WWOX: variants seen among roughly 807,000 people sequenced by gnomAD.
The protein encoded by WWOX is WW domain-containing oxidoreductase.
WWOX carries 69 observed loss-of-function variants against 46.2 expected under a neutral mutation model. The observed-to-expected ratio is 1.49, with a 90% confidence interval of 1.23 to 1.82. The LOEUF (loss-of-function observed/expected upper bound fraction) is 1.82, where lower values mean the gene tolerates loss of function less well. WWOX is among the 40% of genes most tolerant of loss of function. The pLI is 0.00. For synonymous variants in WWOX, 359 were observed against 202.6 expected, an observed-to-expected ratio of 1.77 and a Z score of -6.56; for missense variants, 919 against 542.6, an observed-to-expected ratio of 1.69 and a Z score of -6.89.
chr16:79,200,588 C>T (rs968875235), intron 8 of WWOX, among the ~76,000 whole-genome samples: 3 of 152,122 alleles, frequency 2.0e-5, no homozygotes, highest in Non-Finnish European at 2.9e-5. Context: ...AGGTCGTTGG[C>T]ACCTAAGAGA....
At chr16:78,830,995 A>G (rs898119219) in intron 8 of WWOX, among the ~76,000 whole-genome samples, 7 of 152,212 alleles carry the variant, frequency 4.6e-5, no homozygotes, top group African/African-American at 1.4e-4. Context: ...AAGGGCACTA[A>G]TGATGCAGCA....
intron 8 of WWOX, among the ~76,000 whole-genome samples, chr16:78,916,743 T>C (rs994969319): frequency 1.3e-5 from 2 of 152,222 alleles, no homozygotes; most frequent in African/African-American, 4.8e-5. Flanking sequence ...AAACTAAGTG[T>C]CTGATAAATT....
intron 8 of WWOX, among the ~76,000 whole-genome samples, chr16:78,665,448 G>A (rs1191603167): frequency 3.3e-5 from 5 of 152,198 alleles, no homozygotes; most frequent in African/African-American, 1.2e-4. Flanking sequence ...ACATGGGAAG[G>A]CCGTACTTTC....
intron 8 of WWOX, among the ~76,000 whole-genome samples, chr16:78,665,023 C>T (rs1161243027): frequency 6.6e-6 from 1 of 152,190 alleles, no homozygotes; most frequent in Admixed American, 6.5e-5. Flanking sequence ...CGGCTGCATT[C>T]ATCAGCCTGC....
intron 8 of WWOX, among the ~76,000 whole-genome samples, chr16:78,711,006 A>G (rs964305477): frequency 2.6e-5 from 4 of 152,056 alleles, no homozygotes; most frequent in Non-Finnish European, 4.4e-5. Context: ...AATAACTTAC[A>G]TGTTTGTCAA....
At chr16:78,322,005 T>C (rs1264005514) in intron 5 of WWOX, among the ~76,000 whole-genome samples, 1 of 152,202 alleles carries the variant, frequency 6.6e-6, no homozygotes, top group Non-Finnish European at 1.5e-5. Context: ...TTCAAATCAG[T>C]GCATGAGAAC....
At chr16:78,115,725 G>C (rs540413047) in intron 4 of WWOX, among the ~76,000 whole-genome samples, 1 of 152,258 alleles carries the variant, frequency 6.6e-6, no homozygotes, top group South Asian at 2.1e-4. Context: ...GCTTCAATAT[G>C]ATGGGCCATT....
chr16:78,614,766 G>C (rs990639597), intron 8 of WWOX, among the ~76,000 whole-genome samples: 14 of 152,094 alleles, frequency 9.2e-5, no homozygotes, highest in African/African-American at 3.4e-4. Flanking sequence ...AATATTGACA[G>C]AGTTGTCTTT....
chr16:78,802,949 A>AAAAAAAC (rs2050934273), intron 8 of WWOX, among the ~76,000 whole-genome samples: 1 of 124,760 alleles, frequency 8.0e-6, no homozygotes, highest in Non-Finnish European at 1.7e-5. Context: ...AAAACAACAA[A>AAAAAAAC]CAGAAAAATG....
At chr16:79,187,638 C>T (rs1047438349) in intron 8 of WWOX, among the ~76,000 whole-genome samples, 1 of 152,186 alleles carries the variant, frequency 6.6e-6, no homozygotes, top group African/African-American at 2.4e-5. Context: ...AACTCCTGAC[C>T]TCAAGTGATC....
chr16:78,790,902 C>T (rs1316445349), intron 8 of WWOX, among the ~76,000 whole-genome samples: 1 of 150,638 alleles, frequency 6.6e-6, no homozygotes, highest in Admixed American at 6.7e-5. Context: ...GCTTGTGGTC[C>T]CAGCTACTCA....
At chr16:78,932,867 C>G (rs928408399) in intron 8 of WWOX, among the ~76,000 whole-genome samples, 2 of 152,178 alleles carry the variant, frequency 1.3e-5, no homozygotes, top group Admixed American at 6.5e-5. Flanking sequence ...GCCCAGCACC[C>G]TTGTCTGGAA....
chr16:78,380,581 C>T (rs79185175), intron 5 of WWOX, among the ~76,000 whole-genome samples: 1,597 of 152,100 alleles, frequency 0.01, 34 homozygotes, highest in Non-Finnish European at 0.01. Flanking sequence ...TCAGCGGTGA[C>T]CACCACATCT....
intron 8 of WWOX, among the ~76,000 whole-genome samples, chr16:78,680,391 G>A (rs994933456): frequency 1.1e-4 from 16 of 152,056 alleles, no homozygotes; most frequent in Admixed American, 9.8e-4. Context: ...AAAATTAGCT[G>A]GGCATGGTGT....
chr16:78,490,390 G>A (rs1440901249), intron 8 of WWOX, among the ~76,000 whole-genome samples: 1 of 152,168 alleles, frequency 6.6e-6, no homozygotes, highest in Non-Finnish European at 1.5e-5. Flanking sequence ...ATGTGTTTAT[G>A]CAGTTACCTT....
rs78182400 is a variant in WWOX, at chr16:78,777,566, C to T, written c.1056+344814C>T. Among the ~76,000 whole-genome samples the T allele has an allele frequency of 2.2e-3, 338 of 152,174 alleles. 2 individuals are homozygous for T. The highest frequency in any genetic ancestry group is 7.9e-3 in the African/African-American group (328 of 41,522). The stretch of plus-strand genomic sequence containing the variant: ...GGTCAGCTGTTTACACTGACAGTCC[C>T]AGCGTGGTATAATAAGCATTAACAC... On this transcript the variant is annotated intron_variant, in intron 8 of 8. Transcript: ENST00000566780.
intron 8 of WWOX, among the ~76,000 whole-genome samples, chr16:78,955,726 C>A (rs934910234): frequency 6.6e-6 from 1 of 151,708 alleles, no homozygotes; most frequent in African/African-American, 2.4e-5. Context: ...CCAATCATGG[C>A]AGCCTCAGCC....
At chr16:78,726,369 G>T (rs911380462) in intron 8 of WWOX, among the ~76,000 whole-genome samples, 1 of 151,876 alleles carries the variant, frequency 6.6e-6, no homozygotes, top group South Asian at 2.1e-4. Context: ...GGGACCACAG[G>T]TATGCACCAC....
intron 8 of WWOX, among the ~76,000 whole-genome samples, chr16:78,644,787 A>G (rs1046398877): frequency 1.3e-5 from 2 of 152,136 alleles, no homozygotes; most frequent in East Asian, 3.9e-4. Flanking sequence ...TTATCCAACA[A>G]ATATTTATTT....
Sources: allele counts gnomAD v4.1 joint callset (sites outside exome capture counted in the v4.1 genomes callset), GRCh38; gene constraint gnomAD v4.1.1; transcripts MANE v1.5; gene names NCBI Gene and HGNC (gene_info 2026-07-23, HGNC 2026-07-21).